Variants in KCNK1 observed in about 807,000 individuals in gnomAD.
The protein encoded by KCNK1 is potassium channel subfamily K member 1.
A neutral mutation model predicts 22.2 loss-of-function variants in KCNK1; 10 were observed. The observed-to-expected ratio is 0.45, with a 90% confidence interval of 0.28 to 0.76. The LOEUF (loss-of-function observed/expected upper bound fraction) is 0.76. Among genes scored for constraint, KCNK1 ranks in the 30% least tolerant of loss-of-function variants. The probability of loss-of-function intolerance (pLI) is 0.14; values close to 1 mark genes in which losing one functional copy is unlikely to be tolerated. For synonymous variants in KCNK1, 200 were observed against 186.4 expected (o/e 1.07, Z -0.60); for missense variants, 378 against 421.0 (o/e 0.90, Z 0.89).
At chr1:233,625,483 G>T (rs1657673059) in intron 1 of KCNK1, among the ~76,000 whole-genome samples, 1 of 152,122 alleles carries the variant, frequency 6.6e-6, no homozygotes, top group Non-Finnish European at 1.5e-5. Context: ...TGGCTAGCCT[G>T]GGGGAGGATG....
chr1:233,653,525 T>C (rs1431049160), intron 1 of KCNK1, among the ~76,000 whole-genome samples: 2 of 152,192 alleles, frequency 1.3e-5, no homozygotes, highest in Admixed American at 6.5e-5. Context: ...ATCAGTAGAC[T>C]GAGTAGAGAA....
At chr1:233,657,621 A>G (rs748040885) in intron 1 of KCNK1, among the ~76,000 whole-genome samples, 2 of 151,980 alleles carry the variant, frequency 1.3e-5, no homozygotes, top group Admixed American at 6.6e-5. Flanking sequence ...AAGAGAGAAA[A>G]AGAAAGAAAA....
chr1:233,619,565 C>T (rs1419753198), intron 1 of KCNK1, among the ~76,000 whole-genome samples: 1 of 152,062 alleles, frequency 6.6e-6, no homozygotes. Flanking sequence ...AAATTATTTT[C>T]AGTAGTACAA....
intron 1 of KCNK1, among the ~76,000 whole-genome samples, chr1:233,614,929 G>A (rs3820133): frequency 0.044 from 6,750 of 152,238 alleles, 345 homozygotes; most frequent in East Asian, 0.21. Context: ...GCACCTGGCC[G>A]CCGTGCGGCA....
chr1:233,663,813 A>G (rs1658442258), intron 1 of KCNK1, among the ~76,000 whole-genome samples: 1 of 151,186 alleles, frequency 6.6e-6, no homozygotes, highest in African/African-American at 2.4e-5. Flanking sequence ...ACATTTGCGA[A>G]TCGCTTTTCA....
chr1:233,621,905 G>C (rs1218148911), intron 1 of KCNK1, among the ~76,000 whole-genome samples: 1 of 151,576 alleles, frequency 6.6e-6, no homozygotes, highest in Non-Finnish European at 1.5e-5. Flanking sequence ...GAACTCTGGT[G>C]CTCTCAGAAC....
chr1:233,652,223 G>C (rs1465255214), intron 1 of KCNK1, among the ~76,000 whole-genome samples: 1 of 152,114 alleles, frequency 6.6e-6, no homozygotes, highest in Non-Finnish European at 1.5e-5. Flanking sequence ...TTAGATCTTT[G>C]GTTGTTGTCT....
chr1:233,635,856 A>G (rs1215976684), intron 1 of KCNK1, among the ~76,000 whole-genome samples: 1 of 152,266 alleles, frequency 6.6e-6, no homozygotes, highest in Admixed American at 6.5e-5. Context: ...GTGTTAAGAA[A>G]AAATACAATA....
intron 2 of KCNK1, among the ~76,000 whole-genome samples, chr1:233,670,751 C>A (rs926910538): frequency 1.3e-5 from 2 of 152,118 alleles, no homozygotes; most frequent in Non-Finnish European, 1.5e-5. Context: ...GGGACACAGC[C>A]AAACCATAGC....
intron 1 of KCNK1, among the ~76,000 whole-genome samples, chr1:233,651,377 A>G (rs1444493175): frequency 6.6e-6 from 1 of 152,220 alleles, no homozygotes; most frequent in East Asian, 1.9e-4. Context: ...TAATTATGTC[A>G]AACCTGAAAG....
At chr1:233,656,218 G>T (rs920537793) in intron 1 of KCNK1, among the ~76,000 whole-genome samples, 1 of 152,206 alleles carries the variant, frequency 6.6e-6, no homozygotes, top group Admixed American at 6.5e-5. Flanking sequence ...AGAGTCTCCG[G>T]TGTGAACTGA....
chr1:233,614,662 G>A, intron 1 of KCNK1, 136 bp downstream of exon 1: 1 of 593,910 alleles, frequency 1.7e-6, no homozygotes, highest in Non-Finnish European at 2.6e-6. Context: ...CCTCCAGCCC[G>A]CCTCCCCTCA....
At chr1:233,634,321 A>G in intron 1 of KCNK1, among the ~76,000 whole-genome samples, 1 of 134,848 alleles carries the variant, frequency 7.4e-6, no homozygotes, top group South Asian at 2.3e-4. Context: ...ACAACAACAA[A>G]AAAAAAAAAA....
At chr1:233,622,639 G>C (rs1657611370) in intron 1 of KCNK1, among the ~76,000 whole-genome samples, 2 of 152,180 alleles carry the variant, frequency 1.3e-5, no homozygotes, top group South Asian at 4.1e-4. Flanking sequence ...ATCTGAGGCT[G>C]AATGGAGGAA....
chr1:233,624,283 C>G (rs1246550561), intron 1 of KCNK1: 1 of 152,576 alleles, frequency 6.6e-6, no homozygotes, highest in Admixed American at 6.5e-5. Flanking sequence ...GTGTGCTCCC[C>G]AGGATGCGCT....
rs1033169850 is a variant in KCNK1, at chr1:233,672,485, AAAAT to A, written c.*963_*966del. ...TCTGAGAATTTTAAATTTAGAAGCT[AAAAT>A]AAATAAAAATCACAGCTGGTTGTAA... On this transcript the variant is annotated 3_prime_UTR_variant, in exon 3 of 3. Transcript: ENST00000366621. 6.7e-6 allele frequency: 1 copy of A among 150,102 alleles called. No homozygotes were observed. Among genetic ancestry groups the A allele is most frequent in the Non-Finnish European group, 1.5e-5 (1 of 67,548 alleles). The allele number at this position is 150,102 out of a possible 1,614,324, so 9.3% of individuals were successfully genotyped here.
At chr1:233,657,946 A>G (rs1304053684) in intron 1 of KCNK1, among the ~76,000 whole-genome samples, 1 of 152,200 alleles carries the variant, frequency 6.6e-6, no homozygotes, top group African/African-American at 2.4e-5. Context: ...AAGAATTTGA[A>G]TAATTGTATG....
At chr1:233,637,065 G>A (rs906612566) in intron 1 of KCNK1, among the ~76,000 whole-genome samples, 11 of 151,910 alleles carry the variant, frequency 7.2e-5, no homozygotes, top group Admixed American at 3.3e-4. Context: ...GAGTGGTGGC[G>A]GGCACCTGTA....
At chr1:233,627,537 C>A (rs1657711752) in intron 1 of KCNK1, among the ~76,000 whole-genome samples, 2 of 151,826 alleles carry the variant, frequency 1.3e-5, no homozygotes, top group South Asian at 4.2e-4. Flanking sequence ...TACCTGCCAC[C>A]CAGTGCTCTG....
Sources: gnomAD v4.1 joint callset for allele counts (sites outside exome capture counted in the v4.1 genomes callset) on GRCh38, gnomAD v4.1.1 for gene constraint, MANE v1.5 for transcripts, NCBI Gene and HGNC (gene_info 2026-07-23, HGNC 2026-07-21) for gene names.